Variants in CDH7 observed in about 807,000 individuals in gnomAD.
CDH7 encodes cadherin 7, also known as cadherin-7.
CDH7 carries 25 observed loss-of-function variants against 71.8 expected under a neutral mutation model. The observed-to-expected ratio is 0.35, with a 90% CI of 0.25 to 0.49. The LOEUF is 0.49. Among genes scored for constraint, CDH7 ranks in the 20% least tolerant of loss-of-function variants. The pLI is 0.99. For synonymous variants in CDH7, 381 were observed against 363.8 expected (o/e 1.05, Z -0.54); for missense variants, 862 against 974.6 (o/e 0.88, Z 1.54).
Position 65,752,820 on chromosome 18 carries a change from A to G in CDH7, c.-197+1670A>G, listed in dbSNP as rs1374903481. 6.6e-5 allele frequency among the ~76,000 whole-genome samples: 10 copies of G among 152,306 alleles called. No homozygotes were observed. In the East Asian group the frequency reaches 1.9e-3, roughly 29 times the overall value. On this transcript the variant is annotated intron_variant, in intron 1 of 11. Coordinates refer to ENST00000397968, the MANE Select transcript of CDH7 (RefSeq NM_004361.5). The stretch of plus-strand genomic sequence containing the variant: ...AAGAAAACAATAATCAGTAGCACAG[A>G]CCATCACCCTGCTAAAAGCTATTAA...
At chr18:65,755,240 C>T (rs938696918) in intron 1 of CDH7, among the ~76,000 whole-genome samples, 4 of 152,144 alleles carry the variant, frequency 2.6e-5, no homozygotes, top group African/African-American at 9.7e-5. Context: ...TGGATCAGTA[C>T]CTAGCTGTGT....
At chr18:65,823,231 C>A (rs1912002364) in intron 5 of CDH7, among the ~76,000 whole-genome samples, 1 of 151,720 alleles carries the variant, frequency 6.6e-6, no homozygotes, top group African/African-American at 2.4e-5. Flanking sequence ...ATGGTATCTC[C>A]TGGTAATATA....
At chr18:65,752,568 G>A (rs1915914106) in intron 1 of CDH7, among the ~76,000 whole-genome samples, 1 of 152,192 alleles carries the variant, frequency 6.6e-6, no homozygotes, top group South Asian at 2.1e-4. Flanking sequence ...TATATGTCAA[G>A]GGGAAATGCA....
Position 65,880,445 on chromosome 18 carries a change from C to A in CDH7, c.1909C>A (p.Pro637Thr), listed in dbSNP as rs867423544. 2 of 1,566,818 alleles carry A rather than the reference C, an allele frequency of 1.3e-6. No homozygotes were observed. Among genetic ancestry groups the A allele is most frequent in the African/African-American group, 2.8e-5 (2 of 72,424 alleles). The stretch of plus-strand genomic sequence containing the variant: ...CACTATGAGAAGACGGAAAAAAGAG[C>A]CCCTTATTTTTGACGAAGAAAGAGA... Reference protein sequence around the residue: ...IVTMRRRKKEPLIFDEERDIR... With the variant: ...IVTMRRRKKETLIFDEERDIR... Residue 637 changes from proline to threonine, a missense_variant, in exon 12 of 12, where the codon CCC becomes ACC. Pro to Thr is a conservative substitution (Grantham distance 38). Transcript: ENST00000397968.
At chr18:65,828,368 C>T in intron 6 of CDH7, among the ~76,000 whole-genome samples, 1 of 152,030 alleles carries the variant, frequency 6.6e-6, no homozygotes, top group Non-Finnish European at 1.5e-5. Flanking sequence ...CCTTAAAAAC[C>T]ATGAGTTTTA....
intron 3 of CDH7, among the ~76,000 whole-genome samples, chr18:65,813,363 C>T (rs1262744284): frequency 6.6e-6 from 1 of 151,972 alleles, no homozygotes; most frequent in Non-Finnish European, 1.5e-5. Context: ...ATAAAAACTT[C>T]AGGATTTAAA....
chr18:65,874,411 G>A (rs950056515), intron 11 of CDH7, among the ~76,000 whole-genome samples: 1 of 152,022 alleles, frequency 6.6e-6, no homozygotes, highest in Non-Finnish European at 1.5e-5. Context: ...TTTAATATAA[G>A]TAGCCTTAGA....
chr18:65,859,096 T>C (rs1219448558), intron 9 of CDH7, 50 bp downstream of exon 9: 2 of 1,578,048 alleles, frequency 1.3e-6, no homozygotes, highest in Non-Finnish European at 1.7e-6. Flanking sequence ...TCTTAAAAAA[T>C]ATCCAGCAGC....
chr18:65,766,615 A>G (rs1380585444), intron 2 of CDH7, among the ~76,000 whole-genome samples: 1 of 152,040 alleles, frequency 6.6e-6, no homozygotes. Flanking sequence ...TGTTACTCTG[A>G]GTTCTGTTTT....
intron 5 of CDH7, among the ~76,000 whole-genome samples, chr18:65,823,000 G>A (rs1257841949): frequency 1.3e-5 from 2 of 151,748 alleles, no homozygotes; most frequent in African/African-American, 2.4e-5. Flanking sequence ...AAAATAAAGA[G>A]ATTGTACAGA....
intron 2 of CDH7, among the ~76,000 whole-genome samples, chr18:65,796,086 A>G (rs1209453270): frequency 6.6e-6 from 1 of 152,178 alleles, no homozygotes. Context: ...TCTTCATGGC[A>G]GTGTGAGAAT....
intron 6 of CDH7, among the ~76,000 whole-genome samples, chr18:65,843,171 T>C (rs937860116): frequency 6.6e-6 from 1 of 152,174 alleles, no homozygotes; most frequent in African/African-American, 2.4e-5. Context: ...CTTGGAAAAT[T>C]AGATACAATG....
At chr18:65,785,192 C>T (rs958738339) in intron 2 of CDH7, among the ~76,000 whole-genome samples, 17 of 151,836 alleles carry the variant, frequency 1.1e-4, no homozygotes, top group Admixed American at 9.8e-4. Flanking sequence ...TATTAGAGAA[C>T]CATGACTTGT....
At chr18:65,805,301 G>T (rs914289242) in intron 2 of CDH7, among the ~76,000 whole-genome samples, 1 of 152,166 alleles carries the variant, frequency 6.6e-6, no homozygotes, top group African/African-American at 2.4e-5. Flanking sequence ...GGATGTCTGT[G>T]AGTGGGTGTG....
At chr18:65,858,902 T>C in intron 8 of CDH7, 23 bp from the exon 9 acceptor site, 1 of 1,607,218 alleles carries the variant, frequency 6.2e-7, no homozygotes, top group South Asian at 1.1e-5. Flanking sequence ...GAGTAAATGA[T>C]AAGACACTGT....
At chr18:65,759,702 T>A (rs1916137863) in intron 1 of CDH7, among the ~76,000 whole-genome samples, 1 of 152,216 alleles carries the variant, frequency 6.6e-6, no homozygotes, top group Non-Finnish European at 1.5e-5. Context: ...CTCCTTCATT[T>A]TGCAACTGTG....
intron 7 of CDH7, among the ~76,000 whole-genome samples, chr18:65,846,668 A>T (rs1307458288): frequency 6.6e-6 from 1 of 152,104 alleles, no homozygotes; most frequent in African/African-American, 2.4e-5. Flanking sequence ...TTTGTTGCAT[A>T]TGCATTACTC....
intron 6 of CDH7, among the ~76,000 whole-genome samples, chr18:65,840,160 C>A (rs1257634234): frequency 6.6e-6 from 1 of 152,124 alleles, no homozygotes; most frequent in Non-Finnish European, 1.5e-5. Flanking sequence ...ACACAGAATT[C>A]TTTTTATTTA....
At chr18:65,778,355 A>C (rs1046022342) in intron 2 of CDH7, among the ~76,000 whole-genome samples, 3 of 149,878 alleles carry the variant, frequency 2.0e-5, no homozygotes, top group African/African-American at 7.3e-5. Context: ...ACAGAATTGT[A>C]GAACATGATG....
Sources: gnomAD v4.1 joint callset for allele counts (sites outside exome capture counted in the v4.1 genomes callset) on GRCh38, gnomAD v4.1.1 for gene constraint, MANE v1.5 for transcripts, NCBI Gene and HGNC (gene_info 2026-07-23, HGNC 2026-07-21) for gene names.